Variants in C4orf33 observed in about 807,000 individuals in gnomAD.
The protein encoded by C4orf33 is UPF0462 protein C4orf33.
Under a neutral mutation model 24.3 loss-of-function variants are expected in C4orf33, and 20 were observed. That is an observed-to-expected ratio of 0.82 (90% CI 0.58 to 1.19). The LOEUF is 1.19. Ranked by LOEUF, C4orf33 falls within the 50% of genes most tolerant of loss-of-function variation. The probability of loss-of-function intolerance (pLI) is 0.00; values close to 1 mark genes in which losing one functional copy is unlikely to be tolerated. For synonymous variants in C4orf33, 67 were observed against 76.4 expected, an observed-to-expected ratio of 0.88 and a Z score of 0.64; for missense variants, 207 against 225.9, an observed-to-expected ratio of 0.92 and a Z score of 0.54.
At position 129,113,793 on chromosome 4, in the gene C4orf33, C is replaced by T. The variant is rs1580022479; in HGVS notation, c.*2002C>T. ...ACAGGAAAAAAAACATTTAATTTCC[C>T]CTCCTTCTCCTCCTTTTGCTCCTTT... On this transcript the variant is annotated 3_prime_UTR_variant, in exon 6 of 6. Coordinates refer to ENST00000425929, the MANE Select transcript of C4orf33 (RefSeq NM_001099783.2). 1 of 151,354 alleles carries T rather than the reference C, an allele frequency of 6.6e-6. No individual in the cohort carries two copies. The highest frequency in any genetic ancestry group is 2.4e-5 in the African/African-American group (1 of 41,284). The allele number at this position is 151,354 out of a possible 1,614,324, so 9.4% of individuals were successfully genotyped here.
chr4:129,102,942 G>T, intron 2 of C4orf33, 151 bp downstream of exon 2: 1 of 579,970 alleles, frequency 1.7e-6, no homozygotes, highest in South Asian at 3.4e-5. Context: ...CTCTCATTCT[G>T]ACTTTTTCTC....
chr4:129,094,115 A>G (rs965929609), upstream of C4orf33: 1 of 152,234 alleles, frequency 6.6e-6, no homozygotes, highest in African/African-American at 2.4e-5. Flanking sequence ...TAAAGCGTGT[A>G]GTTAGAAGTA....
At chr4:129,100,590 G>T (rs1396270866) in intron 1 of C4orf33, 1 of 152,130 alleles carries the variant, frequency 6.6e-6, no homozygotes, top group Non-Finnish European at 1.5e-5. Flanking sequence ...AGAATTGATT[G>T]CCTGAATGTG....
intron 1 of C4orf33, among the ~76,000 whole-genome samples, chr4:129,100,465 C>T (rs920126846): frequency 6.6e-6 from 1 of 152,068 alleles, no homozygotes; most frequent in African/African-American, 2.4e-5. Context: ...TAAAGTCTAC[C>T]ACACTCTGAC....
chr4:129,112,048 C>A lies in C4orf33; in HGVS notation c.*257C>A. 3.2e-6 allele frequency: 1 copy of A among 308,714 alleles called. No individual in the cohort carries two copies. The highest frequency in any genetic ancestry group is 6.0e-6 in the Non-Finnish European group (1 of 166,366). 19.1% of individuals were successfully genotyped at this position (308,714 alleles called of 1,614,324 possible). A position where few individuals can be genotyped will look rare whatever the true frequency, so the allele number is the denominator to read the frequency against. On this transcript the variant is annotated 3_prime_UTR_variant, in exon 6 of 6. Transcript: ENST00000425929. ...TCCAGGATGTTGCATTCCCAGCACACAGTACAGTTATTCTTGAAAACTACA... is the reference window on the plus strand; with the variant it reads ...TCCAGGATGTTGCATTCCCAGCACAAAGTACAGTTATTCTTGAAAACTACA...
intron 2 of C4orf33, among the ~76,000 whole-genome samples, chr4:129,105,479 A>G (rs1464197738): frequency 1.3e-5 from 2 of 152,232 alleles, no homozygotes; most frequent in Non-Finnish European, 2.9e-5. Flanking sequence ...CTATCACAGT[A>G]GACATTCTAA....
chr4:129,097,107 C>T (rs998786443), intron 1 of C4orf33, among the ~76,000 whole-genome samples: 2 of 152,138 alleles, frequency 1.3e-5, no homozygotes, highest in Non-Finnish European at 2.9e-5. Flanking sequence ...CGGGGTTTCA[C>T]CATGTTCGCC....
intron 3 of C4orf33, among the ~76,000 whole-genome samples, chr4:129,106,961 C>CTCATTATT (rs1753538305): frequency 6.6e-6 from 1 of 151,700 alleles, no homozygotes; most frequent in Admixed American, 6.6e-5. Context: ...AACAAAAACT[C>CTCATTATT]TCATTATTTA....
In C4orf33 at chr4:129,116,284, A is replaced by G. The variant is rs1050111860; in HGVS notation, c.*4493A>G. ...GAAATAGGAAATGCTGTCAAATGAC[A>G]TTTCACTTTACTACTTATTTGAATT... On this transcript the variant is annotated 3_prime_UTR_variant, in exon 6 of 6. Coordinates refer to ENST00000425929, the MANE Select transcript of C4orf33 (RefSeq NM_001099783.2). The G allele has an allele frequency of 2.6e-5, 4 of 152,230 alleles. No homozygotes were observed. Among genetic ancestry groups the G allele is most frequent in the African/African-American group, 9.6e-5 (4 of 41,460 alleles). The allele number at this position is 152,230 out of a possible 1,614,324, so 9.4% of individuals were successfully genotyped here.
chr4:129,111,445 G>A (rs976634239), intron 5 of C4orf33, among the ~76,000 whole-genome samples: 1 of 152,226 alleles, frequency 6.6e-6, no homozygotes, highest in Non-Finnish European at 1.5e-5. Context: ...CCCTTCAGCT[G>A]TGAGGGAGTT....
intron 2 of C4orf33, among the ~76,000 whole-genome samples, chr4:129,106,128 C>T (rs536889284): frequency 6.6e-6 from 1 of 152,052 alleles, no homozygotes; most frequent in Admixed American, 6.5e-5. Context: ...AACAGTTCTC[C>T]TGTATAATAG....
At chr4:129,109,711 G>T in intron 5 of C4orf33, 39 bp downstream of exon 5, 1 of 1,538,490 alleles carries the variant, frequency 6.5e-7, no homozygotes, top group Middle Eastern at 1.7e-4. Flanking sequence ...CCAAATACAC[G>T]AGTTTTTTCG....
chr4:129,104,425 A>C (rs1753453947), intron 2 of C4orf33, among the ~76,000 whole-genome samples: 1 of 152,140 alleles, frequency 6.6e-6, no homozygotes, highest in Non-Finnish European at 1.5e-5. Flanking sequence ...GCTACCTAAA[A>C]ACCTTCTCAG....
intron 1 of C4orf33, among the ~76,000 whole-genome samples, chr4:129,096,777 T>C (rs977515755): frequency 3.5e-4 from 54 of 152,152 alleles, no homozygotes; most frequent in African/African-American, 1.3e-3. Flanking sequence ...AAACTTAAAA[T>C]TGCATTGCAG....
At chr4:129,094,500 C>T (rs1052157586), upstream of C4orf33, among the ~76,000 whole-genome samples, 2 of 152,006 alleles carry the variant, frequency 1.3e-5, no homozygotes, top group African/African-American at 2.4e-5. Context: ...TTTGTTGTCC[C>T]GTACTCATAA....
chr4:129,097,099 G>C (rs1176515239), intron 1 of C4orf33, among the ~76,000 whole-genome samples: 1 of 152,106 alleles, frequency 6.6e-6, no homozygotes, highest in African/African-American at 2.4e-5. Flanking sequence ...AGTAGAGACG[G>C]GGTTTCACCA....
rs746090289 is a variant in C4orf33 at position 129,102,616 on chromosome 4, T to C, written c.6T>C (p.Asp2=). The change falls in exon 2 of 6, where the codon GAT becomes GAC. Residue 2 remains aspartate (D), a synonymous_variant. Coordinates refer to ENST00000425929, the MANE Select transcript of C4orf33 (RefSeq NM_001099783.2). The part of the protein sequence containing the change: M[D]FKIEHTWDGF... The stretch of plus-strand genomic sequence containing the variant: ...TTTTCTTTTAGAGACTTCAGATGGA[T>C]TTTAAAATTGAACACACTTGGGATG... 2 of 1,604,596 alleles carry C rather than the reference T, an allele frequency of 1.2e-6. No homozygotes were observed. Among genetic ancestry groups the C allele is most frequent in the South Asian group, 2.2e-5 (2 of 89,104 alleles).
upstream of C4orf33, among the ~76,000 whole-genome samples, chr4:129,095,868 G>T (rs1218879223): frequency 2.0e-5 from 3 of 152,150 alleles, no homozygotes; most frequent in Non-Finnish European, 4.4e-5. Flanking sequence ...TATATGGCCA[G>T]TTAGCCTTTA....
Position 129,109,611 on chromosome 4 carries a change from A to G in C4orf33, c.433A>G (p.Ser145Gly), listed in dbSNP as rs776865920. Residue 145 changes from serine (S) to glycine (G), a missense_variant, in exon 5 of 6, where the codon AGT (serine) becomes GGT (glycine). Coordinates refer to ENST00000425929, the MANE Select transcript of C4orf33 (RefSeq NM_001099783.2). ...FAIHGSKDKR[S>G]YEALYPVPQH... ...AATTCATGGATCAAAAGATAAACGA[A>G]GTTATGAAGCTCTTTACCCTGTACC... 8 of 1,614,062 alleles carry G rather than the reference A, an allele frequency of 5.0e-6. No homozygotes were observed. The South Asian group carries it at 8.8e-5, about 18-fold the overall frequency.
Sources: gnomAD v4.1 joint callset for allele counts (sites outside exome capture counted in the v4.1 genomes callset) on GRCh38, gnomAD v4.1.1 for gene constraint, MANE v1.5 for transcripts, NCBI Gene and HGNC (gene_info 2026-07-23, HGNC 2026-07-21) for gene names.